Variants in ZBTB20 observed in about 807,000 individuals in gnomAD.
The protein encoded by ZBTB20 is zinc finger and BTB domain-containing protein 20.
A neutral mutation model predicts 56.9 loss-of-function variants in ZBTB20; 9 were observed. That is an observed-to-expected ratio of 0.16 (90% CI 0.10 to 0.28). The LOEUF is 0.28. Ranked by LOEUF, ZBTB20 falls within the 10% of genes least tolerant of loss-of-function variation. The probability of loss-of-function intolerance (pLI) is 1.00; values close to 1 mark genes in which losing one functional copy is unlikely to be tolerated. For synonymous variants in ZBTB20, 417 were observed against 420.7 expected (o/e 0.99, Z 0.11); for missense variants, 655 against 1,003.0 (o/e 0.65, Z 4.69).
At chr3:115,009,055 A>G (rs943982998) in intron 2 of ZBTB20, among the ~76,000 whole-genome samples, 2 of 151,866 alleles carry the variant, frequency 1.3e-5, no homozygotes, top group African/African-American at 4.8e-5. Flanking sequence ...ATTTTTATGA[A>G]TTATGTTTTT....
intron 5 of ZBTB20, among the ~76,000 whole-genome samples, chr3:114,736,315 T>G (rs1195072579): frequency 1.3e-5 from 2 of 152,340 alleles, no homozygotes; most frequent in South Asian, 2.1e-4. Context: ...AAATATTAAC[T>G]GTAATTAAAA....
At chr3:115,038,914 A>G (rs2081036750) in intron 2 of ZBTB20, among the ~76,000 whole-genome samples, 1 of 151,992 alleles carries the variant, frequency 6.6e-6, no homozygotes, top group Non-Finnish European at 1.5e-5. Context: ...GCAATTTTTT[A>G]CCTTTTTATT....
rs372069907 is a variant in ZBTB20, at chr3:114,717,456, G to A, written c.-342-23881C>T. Among the ~76,000 whole-genome samples the A allele has an allele frequency of 1.6e-3, 250 of 152,120 alleles. 4 individuals are homozygous for A. In the South Asian group the frequency reaches 0.049, roughly 30 times the overall value. ...CAGTCCCTTTTACATTTTACCAGAT[G>A]GATTTTACCTTTTCCATGTCTCTTT... On this transcript the variant is annotated intron_variant, in intron 5 of 11. Coordinates refer to ENST00000675478, the MANE Select transcript of ZBTB20 (RefSeq NM_001348800.3).
chr3:115,140,947 G>A (rs1376027177), intron 1 of ZBTB20, among the ~76,000 whole-genome samples: 2 of 152,006 alleles, frequency 1.3e-5, no homozygotes, highest in Non-Finnish European at 2.9e-5. Flanking sequence ...CTATAGTTCT[G>A]TTTACCTCAT....
chr3:114,976,238 ATATT>A (rs1457550749), intron 2 of ZBTB20, among the ~76,000 whole-genome samples: 1 of 152,196 alleles, frequency 6.6e-6, no homozygotes, highest in Non-Finnish European at 1.5e-5. Flanking sequence ...ACCTGGCCTG[ATATT>A]TTAGATAGAT....
intron 2 of ZBTB20, among the ~76,000 whole-genome samples, chr3:115,001,445 C>T (rs2079243415): frequency 1.3e-5 from 2 of 150,956 alleles, no homozygotes; most frequent in South Asian, 4.2e-4. Flanking sequence ...AAATGGGGAG[C>T]TTTTTTTAAA....
intron 7 of ZBTB20, among the ~76,000 whole-genome samples, chr3:114,464,279 T>C (rs995282051): frequency 1.3e-5 from 2 of 152,234 alleles, no homozygotes; most frequent in Non-Finnish European, 2.9e-5. Flanking sequence ...TAAAAAAACA[T>C]ATACATTGGG....
chr3:114,416,727 G>A (rs2733394), intron 7 of ZBTB20, among the ~76,000 whole-genome samples: 33,657 of 151,954 alleles, frequency 0.22, 4,019 homozygotes, highest in Middle Eastern at 0.33. Flanking sequence ...TTTTCAGGGG[G>A]TTATAACTCA....
chr3:114,985,618 G>A (rs879198022), intron 2 of ZBTB20, among the ~76,000 whole-genome samples: 3 of 151,914 alleles, frequency 2.0e-5, no homozygotes, highest in East Asian at 1.9e-4. Flanking sequence ...TAGTTACAAC[G>A]ACACATACCC....
intron 6 of ZBTB20, chr3:114,502,860 C>A (rs2044165246): frequency 6.8e-6 from 1 of 147,658 alleles, no homozygotes; most frequent in African/African-American, 2.5e-5. Context: ...GCTGTCTTCT[C>A]TAACCTTGGG....
intron 2 of ZBTB20, among the ~76,000 whole-genome samples, chr3:114,992,046 A>G (rs1415860786): frequency 6.6e-6 from 1 of 151,046 alleles, no homozygotes; most frequent in Non-Finnish European, 1.5e-5. Context: ...TTTTGTAATA[A>G]TCTCTCTCTC....
intron 3 of ZBTB20, among the ~76,000 whole-genome samples, chr3:114,906,825 G>C (rs570918028): frequency 6.6e-6 from 1 of 151,622 alleles, no homozygotes; most frequent in South Asian, 2.1e-4. Context: ...TGGTGTTAGG[G>C]TTAATACATA....
At chr3:114,581,435 G>A (rs1173519175) in intron 6 of ZBTB20, among the ~76,000 whole-genome samples, 1 of 151,918 alleles carries the variant, frequency 6.6e-6, no homozygotes, top group Admixed American at 6.6e-5. Flanking sequence ...AATATTAAAA[G>A]CTTTATAAAA....
chr3:115,068,307 T>C (rs1304529434), intron 2 of ZBTB20, among the ~76,000 whole-genome samples: 1 of 151,956 alleles, frequency 6.6e-6, no homozygotes, highest in Non-Finnish European at 1.5e-5. Flanking sequence ...TGTATGGAAA[T>C]GGTATACCTA....
intron 6 of ZBTB20, among the ~76,000 whole-genome samples, chr3:114,590,865 A>G (rs541887748): frequency 1.3e-5 from 2 of 152,326 alleles, no homozygotes; most frequent in South Asian, 4.1e-4. Context: ...ATATGACTCT[A>G]TACTGGTTAA....
intron 1 of ZBTB20, among the ~76,000 whole-genome samples, chr3:115,081,639 G>C (rs1166450616): frequency 6.6e-6 from 1 of 150,638 alleles, no homozygotes; most frequent in African/African-American, 2.4e-5. Flanking sequence ...ATTTGTTGTG[G>C]AGAAGGACCC....
In ZBTB20 at chr3:114,548,292, C is replaced by T. The variant is rs188270664; in HGVS notation, c.-294-47901G>A. Among the ~76,000 whole-genome samples the T allele has an allele frequency of 9.8e-4, 149 of 152,278 alleles. 2 individuals are homozygous for T. The Middle Eastern group carries it at 0.027, about 28-fold the overall frequency. ...CATGTAGATATCCAACTGAAGTGGG[C>T]TCTGTTCATCCTCAATTCAGGTGTG... On this transcript the variant is annotated intron_variant, in intron 6 of 11. Coordinates refer to ENST00000675478, the MANE Select transcript of ZBTB20 (RefSeq NM_001348800.3).
intron 4 of ZBTB20, among the ~76,000 whole-genome samples, chr3:114,843,080 G>C (rs185889145): frequency 6.6e-6 from 1 of 152,052 alleles, no homozygotes; most frequent in African/African-American, 2.4e-5. Context: ...CATGTAAGAC[G>C]TGCCTTGCTT....
At chr3:114,421,859 T>C (rs78056767) in intron 7 of ZBTB20, among the ~76,000 whole-genome samples, 10,547 of 151,440 alleles carry the variant, frequency 0.07, 453 homozygotes, top group East Asian at 0.18. Flanking sequence ...GGGAAAATAT[T>C]CCCTCTCCTC....
Sources: gnomAD v4.1 joint callset for allele counts (sites outside exome capture counted in the v4.1 genomes callset) on GRCh38, gnomAD v4.1.1 for gene constraint, MANE v1.5 for transcripts, NCBI Gene and HGNC (gene_info 2026-07-23, HGNC 2026-07-21) for gene names.